Variants in BRD4 observed in about 807,000 individuals in gnomAD.
The protein encoded by BRD4 is bromodomain containing 4.
BRD4 carries 16 observed loss-of-function variants against 142.1 expected under a neutral mutation model. The observed-to-expected ratio is 0.11, with a 90% CI of 0.08 to 0.17. BRD4 has a LOEUF of 0.17. Among genes scored for constraint, BRD4 ranks in the 10% least tolerant of loss-of-function variants. The probability of loss-of-function intolerance (pLI) is 1.00; values close to 1 mark genes in which losing one functional copy is unlikely to be tolerated. For missense variants in BRD4, 1,424 were observed against 1,810.9 expected (o/e 0.79, Z 3.88); for synonymous variants, 833 against 707.5 (o/e 1.18, Z -2.82).
At chr19:15,322,327 A>G (rs927582478) in intron 1 of BRD4, among the ~76,000 whole-genome samples, 1 of 151,990 alleles carries the variant, frequency 6.6e-6, no homozygotes, top group African/African-American at 2.4e-5. Flanking sequence ...GCTGGAGTGC[A>G]GTGACACGAT....
chr19:15,294,753 C>T (rs1379650589), intron 1 of BRD4, among the ~76,000 whole-genome samples: 1 of 152,162 alleles, frequency 6.6e-6, no homozygotes, highest in African/African-American at 2.4e-5. Flanking sequence ...TCGCTATCTC[C>T]TCAGAGCCTG....
intron 2 of BRD4, among the ~76,000 whole-genome samples, chr19:15,269,972 G>C (rs1281353795): frequency 6.6e-6 from 1 of 152,258 alleles, no homozygotes; most frequent in Non-Finnish European, 1.5e-5. Flanking sequence ...CAGAGGGCCA[G>C]GCAGGGGGCT....
intron 1 of BRD4, among the ~76,000 whole-genome samples, chr19:15,315,663 T>C (rs532503423): frequency 1.3e-5 from 2 of 152,080 alleles, no homozygotes; most frequent in Non-Finnish European, 2.9e-5. Context: ...AAGACCAGTC[T>C]GAAAATATAG....
rs2047607504 is a variant in BRD4, at chr19:15,273,090, C to A, written c.10G>T (p.Glu4Ter). Residue 4 changes from glutamate to a stop codon, truncating the protein, a stop_gained, in exon 2 of 20, where the codon GAG becomes TAG. Transcript: ENST00000679869. LOFTEE classifies it high-confidence loss of function. ...CTCAATCTCGTCCCAGGGCCGCTCT[C>A]CGCAGACATGCTAGTGATCCCATCA... MSA[E>*]SGPGTRLRNL... 1 of 1,592,272 alleles carries A rather than the reference C, an allele frequency of 6.3e-7. No individual in the cohort carries two copies. The highest frequency in any genetic ancestry group is 1.3e-5 in the African/African-American group (1 of 74,532).
chr19:15,253,521 C>A, intron 11 of BRD4: 1 of 1,517,490 alleles, frequency 6.6e-7, no homozygotes, highest in Non-Finnish European at 8.8e-7. Flanking sequence ...GCAGGAGGGA[C>A]ACGCAAGTCC....
At chr19:15,275,659 GGT>G (rs2047638576) in intron 1 of BRD4, 1 of 152,170 alleles carries the variant, frequency 6.6e-6, no homozygotes, top group African/African-American at 2.4e-5. Flanking sequence ...AGACAAACCT[GGT>G]AGCTACCAGT....
chr19:15,331,594 T>G (rs1329855950), intron 1 of BRD4, among the ~76,000 whole-genome samples: 31 of 152,226 alleles, frequency 2.0e-4, no homozygotes. Flanking sequence ...CAGACCGGCG[T>G]GCAGCCGCAG....
chr19:15,257,056 C>T lies in BRD4; in HGVS notation c.1459G>A (p.Asp487Asn), dbSNP rs1454979767. Residue 487 changes from aspartate to asparagine, a missense_variant, in exon 8 of 20, where the codon GAC becomes AAC. Transcript: ENST00000679869. ...TCCGAGGAGCTATCGCTGCTGCTGT[C>T]GCTGGATGAGGGCGGGGCCACAACC... ...TKVVAPPSSS[D>N]SSSDSSSDSD... 12 of 1,602,412 alleles carry T rather than the reference C, an allele frequency of 7.5e-6. No homozygotes were observed. Among genetic ancestry groups the T allele is most frequent in the Admixed American group, 1.7e-5 (1 of 58,068 alleles).
rs2047520390 is a variant in BRD4 at position 15,265,364 on chromosome 19, T to G, written c.839A>C (p.Gln280Pro). The G allele has an allele frequency of 6.6e-7, 1 of 1,507,654 alleles. No homozygotes were observed. Among genetic ancestry groups the G allele is most frequent in the African/African-American group, 1.4e-5 (1 of 70,692 alleles). 93.4% of individuals were successfully genotyped at this position (1,507,654 alleles called of 1,614,324 possible). A position where few individuals can be genotyped will look rare whatever the true frequency, so the allele number is the denominator to read the frequency against. ...GTCCAGGAGACTCACCTTCACAGGC[T>G]GTGGGGTGGCCGCGATGATGGGTGG... ...SHPPIIAATP[Q>P]PVKTKKGVKR... Residue 280 changes from glutamine to proline, a missense_variant, in exon 5 of 20, where the codon CAG becomes CCG. Transcript: ENST00000679869.
In BRD4 at chr19:15,253,534, G is replaced by A. The variant is rs1441437418; in HGVS notation, c.2158+618C>T. 5 of 1,527,240 alleles carry A rather than the reference G, an allele frequency of 3.3e-6. No homozygotes were observed. In the South Asian group the frequency reaches 4.8e-5, roughly 15 times the overall value. The allele number at this position is 1,527,240 out of a possible 1,614,324, so 94.6% of individuals were successfully genotyped here. The stretch of plus-strand genomic sequence containing the variant: ...CTGCAGGAGGGACACGCAAGTCCAG[G>A]TGCGTGTGGAGTTAGGGCAGATTCA... On this transcript the variant is annotated intron_variant, in intron 11 of 19. Transcript: ENST00000679869.
intron 1 of BRD4, among the ~76,000 whole-genome samples, chr19:15,327,591 G>C (rs911095163): frequency 6.6e-6 from 1 of 152,000 alleles, no homozygotes; most frequent in Non-Finnish European, 1.5e-5. Context: ...ATTTTTAACA[G>C]TACTATTCAC....
rs2047254372 is a variant in BRD4 at position 15,243,195 on chromosome 19, C to T, written c.2874G>A (p.Leu958=). The change falls in exon 14 of 20, where the codon CTG becomes CTA. Residue 958 remains leucine (L), a synonymous_variant. Transcript: ENST00000679869. ...GCACAGAGGGGTGGGGTGGGGGCGG[C>T]AGGGGGGGTGGGGGCTGGGACTGCA... ...VKVQSQPPPP[L]PPPPHPSVQQ... 2 of 34,990 alleles carry T rather than the reference C, an allele frequency of 5.7e-5. No individual in the cohort carries two copies. Among genetic ancestry groups the T allele is most frequent in the Non-Finnish European group, 8.9e-5 (2 of 22,428 alleles). 2.2% of individuals were successfully genotyped at this position (34,990 alleles called of 1,614,324 possible).
At chr19:15,314,903 G>C (rs1047546503) in intron 1 of BRD4, among the ~76,000 whole-genome samples, 2 of 152,194 alleles carry the variant, frequency 1.3e-5, no homozygotes, top group Non-Finnish European at 2.9e-5. Flanking sequence ...GGAGGAAATG[G>C]AGTTTGGGGG....
rs1250556288 is a variant in BRD4 at position 15,255,529 on chromosome 19, G to A, written c.1815C>T (p.Asp605=). 6.2e-7 allele frequency: 1 copy of A among 1,613,942 alleles called. No individual in the cohort carries two copies. The highest frequency in any genetic ancestry group is 1.1e-5 in the South Asian group (1 of 91,084). ...CCTCATAGGACATAGGCTTGCACTT[G>A]TCCTCTTCCTCCGACTCATACGTGG... The part of the protein sequence containing the change: ...PPPTYESEEE[D]KCKPMSYEEK... Residue 605 remains aspartate (D), a synonymous_variant, in exon 10 of 20, where the codon GAC becomes GAT. Coordinates refer to ENST00000679869, the MANE Select transcript of BRD4 (RefSeq NM_001379291.1).
At chr19:15,244,820 TTGGA>T (rs996147051) in intron 11 of BRD4, 58 bp from the exon 12 acceptor site, 2 of 1,611,986 alleles carry the variant, frequency 1.2e-6, no homozygotes, top group African/African-American at 1.3e-5. Context: ...TGAGCTGGCC[TTGGA>T]TGAAGAAAGA....
chr19:15,318,912 A>G (rs1354643182), intron 1 of BRD4, among the ~76,000 whole-genome samples: 1 of 152,252 alleles, frequency 6.6e-6, no homozygotes, highest in East Asian at 1.9e-4. Context: ...GAAGGTTCAC[A>G]TCACTGTTGA....
intron 1 of BRD4, among the ~76,000 whole-genome samples, chr19:15,280,922 G>C (rs934476795): frequency 2.0e-5 from 3 of 152,242 alleles, no homozygotes; most frequent in Admixed American, 2.0e-4. Flanking sequence ...TCTTGTCCTA[G>C]AAACATCTTT....
intron 1 of BRD4, among the ~76,000 whole-genome samples, chr19:15,307,590 T>C (rs1011515794): frequency 6.6e-6 from 1 of 152,136 alleles, no homozygotes; most frequent in African/African-American, 2.4e-5. Flanking sequence ...ACTGAGTCTA[T>C]CTCATGCCCT....
intron 1 of BRD4, among the ~76,000 whole-genome samples, chr19:15,316,993 T>C (rs2048023116): frequency 6.6e-6 from 1 of 152,226 alleles, no homozygotes; most frequent in African/African-American, 2.4e-5. Flanking sequence ...AAAGCACTTC[T>C]GAGCTCTACC....
Sources: allele counts gnomAD v4.1 joint callset (sites outside exome capture counted in the v4.1 genomes callset), GRCh38; gene constraint gnomAD v4.1.1; transcripts MANE v1.5; gene names NCBI Gene and HGNC (gene_info 2026-07-23, HGNC 2026-07-21).